Variants in NOS1 observed in about 807,000 individuals in gnomAD.
The protein encoded by NOS1 is NOS type I.
Under a neutral mutation model 164.5 loss-of-function variants are expected in NOS1, and 51 were observed. The ratio of observed to expected loss-of-function variants is 0.31; its 90% CI spans 0.25 to 0.39. The LOEUF (loss-of-function observed/expected upper bound fraction) is 0.39, where lower values mean the gene tolerates loss of function less well. Among genes scored for constraint, NOS1 ranks in the 10% least tolerant of loss-of-function variants. The probability of loss-of-function intolerance (pLI) is 1.00; values close to 1 mark genes in which losing one functional copy is unlikely to be tolerated. For missense variants in NOS1, 1,362 were observed against 1,885.6 expected (o/e 0.72, Z 5.14); for synonymous variants, 719 against 745.8 (o/e 0.96, Z 0.59).
At chr12:117,328,596 G>A (rs1297551439) in intron 2 of NOS1, among the ~76,000 whole-genome samples, 5 of 150,148 alleles carry the variant, frequency 3.3e-5, no homozygotes, top group Non-Finnish European at 7.4e-5. Context: ...TCTTGCTCTC[G>A]CTCTTTTGCC....
At chr12:117,218,196 T>G in intron 27 of NOS1, 32 bp from the exon 28 acceptor site, 16 of 1,511,408 alleles carry the variant, frequency 1.1e-5, no homozygotes, top group Non-Finnish European at 1.5e-5. Flanking sequence ...AAAACAGCTC[T>G]CAAATGCCAG....
chr12:117,297,110 TGG>T (rs1873468311), intron 3 of NOS1, among the ~76,000 whole-genome samples: 1 of 152,256 alleles, frequency 6.6e-6, no homozygotes, highest in African/African-American at 2.4e-5. Flanking sequence ...CCAAGGATGT[TGG>T]CCTTGATTTC....
intron 5 of NOS1, 115 bp from the exon 6 acceptor site, chr12:117,286,381 C>T: frequency 9.3e-7 from 1 of 1,075,016 alleles, no homozygotes. Flanking sequence ...AAGTTGATTT[C>T]TGGATGCAAC....
Position 117,221,238 on chromosome 12 carries a change from C to T in NOS1, c.3976-969G>A, listed in dbSNP as rs1213877720. Among the ~76,000 whole-genome samples the T allele has an allele frequency of 9.3e-5, 14 of 151,312 alleles. No individual in the cohort carries two copies. The South Asian group carries it at 1.5e-3, about 16-fold the overall frequency. On this transcript the variant is annotated intron_variant, in intron 26 of 28. Transcript: ENST00000317775. Reference sequence around the variant, plus strand: ...CATGATCTCAGCTCACTACAACCTCCGCCTCCCAGGTTCAAGCCTTCCTCC... The same window carrying T: ...CATGATCTCAGCTCACTACAACCTCTGCCTCCCAGGTTCAAGCCTTCCTCC...
At chr12:117,345,586 C>T (rs1488787931) in intron 1 of NOS1, among the ~76,000 whole-genome samples, 1 of 152,154 alleles carries the variant, frequency 6.6e-6, no homozygotes, top group Non-Finnish European at 1.5e-5. Flanking sequence ...ATATTTAGTG[C>T]TGTAAGGGAA....
chr12:117,320,552 G>A lies in NOS1; in HGVS notation c.726-8960C>T, dbSNP rs372763155. On this transcript the variant is annotated intron_variant, in intron 2 of 28. Coordinates refer to ENST00000317775, the MANE Select transcript of NOS1 (RefSeq NM_000620.5). The stretch of plus-strand genomic sequence containing the variant: ...CTGAGACCACTTCAGACTTAAGACC[G>A]TCAGAATGATAAGGGAATAAAGGTG... Among the ~76,000 whole-genome samples, 7 of 152,272 alleles carry A rather than the reference G, an allele frequency of 4.6e-5. No homozygotes were observed. In the South Asian group the frequency reaches 6.3e-4, roughly 14 times the overall value.
rs952302198 is a variant in NOS1, at chr12:117,225,211, C to G, written c.3705-74G>C. The G allele has an allele frequency of 1.8e-5, 28 of 1,533,910 alleles. 1 individual carries two copies. In the South Asian group the frequency reaches 3.1e-4, roughly 17 times the overall value. ...CAAGAACAATTGAATCTTAGGTAGA[C>G]CAGGTGGCCATCTTCGGTAGACATA... On this transcript the variant is annotated intron_variant, in intron 24 of 28. Coordinates refer to ENST00000317775, the MANE Select transcript of NOS1 (RefSeq NM_000620.5).
chr12:117,278,093 G>A lies in NOS1; in HGVS notation c.1530C>T (p.Cys510=), dbSNP rs1873330572. 2 of 1,612,102 alleles carry A rather than the reference G, an allele frequency of 1.2e-6. No homozygotes were observed. The highest frequency in any genetic ancestry group is 8.5e-7 in the Non-Finnish European group (1 of 1,178,972). Residue 510 remains cysteine (C), a synonymous_variant, in exon 9 of 29, where the codon TGC becomes TGT. Transcript: ENST00000317775. The part of the protein sequence containing the change: ...DPANVQFTEI[C]IQQGWKPPRG... ...TAGGCGGTTTCCAGCCCTGCTGTAT[G>A]CATATCTGCAAGCAGACCCGGCCAG...
chr12:117,267,443 T>G (rs375541130), intron 11 of NOS1, among the ~76,000 whole-genome samples: 130 of 152,088 alleles, frequency 8.5e-4, no homozygotes, highest in African/African-American at 3.1e-3. Flanking sequence ...AAAAATTAGC[T>G]GGGCGCGGTG....
rs1385601797 is a variant in NOS1 at position 117,210,389 on chromosome 12, G to A, written c.*4920C>T. The A allele has an allele frequency of 2.0e-6, 2 of 985,254 alleles. No individual in the cohort carries two copies. The highest frequency in any genetic ancestry group is 2.4e-6 in the Non-Finnish European group (2 of 829,942). The allele number at this position is 985,254 out of a possible 1,614,324, so 61.0% of individuals were successfully genotyped here. ...GACTAGTTAGTGTTTCTCTCTCCTT[G>A]TTGCTTCCTGGCAGTCTCAGACTAC... On this transcript the variant is annotated 3_prime_UTR_variant, in exon 29 of 29. Coordinates refer to ENST00000317775, the MANE Select transcript of NOS1 (RefSeq NM_000620.5).
intron 1 of NOS1, among the ~76,000 whole-genome samples, chr12:117,350,465 C>T (rs1876565689): frequency 6.6e-6 from 1 of 152,214 alleles, no homozygotes; most frequent in African/African-American, 2.4e-5. Flanking sequence ...TTGCAATGCC[C>T]TGGAACTGTT....
At chr12:117,221,172 G>A (rs1956699405) in intron 26 of NOS1, among the ~76,000 whole-genome samples, 1 of 125,884 alleles carries the variant, frequency 7.9e-6, no homozygotes, top group African/African-American at 3.3e-5. Flanking sequence ...ATTTATTTTT[G>A]AGACAGAGTC....
At chr12:117,317,233 G>C (rs1223136011) in intron 2 of NOS1, among the ~76,000 whole-genome samples, 1 of 151,790 alleles carries the variant, frequency 6.6e-6, no homozygotes, top group Non-Finnish European at 1.5e-5. Flanking sequence ...GAAGGAGATG[G>C]ACAGGGCCTC....
intron 25 of NOS1, among the ~76,000 whole-genome samples, chr12:117,223,265 C>CT (rs112723960): frequency 2.2e-3 from 318 of 143,392 alleles, no homozygotes; most frequent in East Asian, 4.2e-3. Flanking sequence ...ACTTACTCAA[C>CT]TTTTTTTTTT....
intron 1 of NOS1, chr12:117,348,014 T>A (rs1256029463): frequency 1.5e-5 from 2 of 137,924 alleles, no homozygotes; most frequent in Middle Eastern, 3.6e-3. Context: ...CCAGATCCCC[T>A]ACATTTTTTT....
chr12:117,234,517 C>A lies in NOS1; in HGVS notation c.3235+48G>T. ...AGGTATCTTCTTCCCGAGACACCCA[C>A]TGCCTCTGCAGCTCCCTAGAGCAGG... On this transcript the variant is annotated intron_variant, in intron 21 of 28. Coordinates refer to ENST00000317775, the MANE Select transcript of NOS1 (RefSeq NM_000620.5). The surrounding 1 kb of genome is among the most constrained non-coding windows in gnomAD (Gnocchi z 4.3). 6.4e-7 allele frequency: 1 copy of A among 1,570,556 alleles called. No homozygotes were observed. Among genetic ancestry groups the A allele is most frequent in the Non-Finnish European group, 8.7e-7 (1 of 1,151,544 alleles).
At chr12:117,298,392 C>T (rs542578927) in intron 3 of NOS1, among the ~76,000 whole-genome samples, 6 of 152,216 alleles carry the variant, frequency 3.9e-5, no homozygotes, top group African/African-American at 1.2e-4. Flanking sequence ...GCTCGCCTGC[C>T]GCTCACCTCC....
chr12:117,303,294 T>A (rs1873946561), intron 3 of NOS1, among the ~76,000 whole-genome samples: 2 of 152,084 alleles, frequency 1.3e-5, no homozygotes, highest in Non-Finnish European at 2.9e-5. Flanking sequence ...CGCAAGCCTG[T>A]CCCCCACCTT....
chr12:117,266,630 C>T, intron 11 of NOS1, among the ~76,000 whole-genome samples: 1 of 151,846 alleles, frequency 6.6e-6, no homozygotes, highest in African/African-American at 2.4e-5. Context: ...CTCTATCTTC[C>T]AGGCTCAAGT....
Sources: gnomAD v4.1 joint callset for allele counts (sites outside exome capture counted in the v4.1 genomes callset) on GRCh38, gnomAD v4.1.1 for gene constraint, Gnocchi (gnomAD v3.1) non-coding constraint, MANE v1.5 for transcripts, NCBI Gene and HGNC (gene_info 2026-07-23, HGNC 2026-07-21) for gene names.